CSNK1G1: variants seen among roughly 807,000 people sequenced by gnomAD.
CSNK1G1 encodes casein kinase I isoform gamma-1.
A neutral mutation model predicts 59.6 loss-of-function variants in CSNK1G1; 22 were observed. The ratio of observed to expected loss-of-function variants is 0.37; its 90% CI spans 0.26 to 0.53. The LOEUF is 0.53. CSNK1G1 is among the 20% of genes least tolerant of loss of function. The probability of loss-of-function intolerance (pLI) is 0.89; values close to 1 mark genes in which losing one functional copy is unlikely to be tolerated. For synonymous variants in CSNK1G1, 179 were observed against 177.1 expected, an observed-to-expected ratio of 1.01 and a Z score of -0.08; for missense variants, 384 against 519.5, an observed-to-expected ratio of 0.74 and a Z score of 2.54.
At chr15:64,178,861 C>A (rs770168310) in intron 11 of CSNK1G1, among the ~76,000 whole-genome samples, 3 of 152,054 alleles carry the variant, frequency 2.0e-5, no homozygotes, top group Non-Finnish European at 4.4e-5. Flanking sequence ...TAGCTCACTG[C>A]AGCCTGAACC....
chr15:64,255,760 G>T lies in CSNK1G1; in HGVS notation c.222+3441C>A, dbSNP rs1256899703. Reference sequence around the variant, plus strand: ...TTTTCTGCATTTTTCTTAAGATATAGAATCCATTAATCAAAGAATTCAGAA... The same window carrying T: ...TTTTCTGCATTTTTCTTAAGATATATAATCCATTAATCAAAGAATTCAGAA... On this transcript the variant is annotated intron_variant, in intron 3 of 11. Transcript: ENST00000303052. Among the ~76,000 whole-genome samples, 3 of 152,034 alleles carry T rather than the reference G, an allele frequency of 2.0e-5. No individual in the cohort carries two copies. In the South Asian group the frequency reaches 6.2e-4, roughly 32 times the overall value.
At chr15:64,319,145 C>G (rs574849838) in intron 1 of CSNK1G1, among the ~76,000 whole-genome samples, 1 of 152,218 alleles carries the variant, frequency 6.6e-6, no homozygotes, top group South Asian at 2.1e-4. Flanking sequence ...TGAGCTACTG[C>G]GCCTGACCTA....
intron 4 of CSNK1G1, among the ~76,000 whole-genome samples, chr15:64,226,418 C>T (rs1231268070): frequency 1.3e-5 from 2 of 151,890 alleles, no homozygotes; most frequent in African/African-American, 4.8e-5. Flanking sequence ...ATTAGCTGGG[C>T]GTGGTGGTGC....
chr15:64,252,372 A>G (rs981221950), intron 3 of CSNK1G1, among the ~76,000 whole-genome samples: 3 of 151,922 alleles, frequency 2.0e-5, no homozygotes, highest in Non-Finnish European at 4.4e-5. Context: ...CACCACTCAC[A>G]GCTAATTTTT....
At chr15:64,355,880 G>A (rs897601968) in intron 1 of CSNK1G1, 108 bp downstream of exon 1, 18 of 151,396 alleles carry the variant, frequency 1.2e-4, no homozygotes, top group African/African-American at 4.4e-4. Flanking sequence ...CCGGGATCAC[G>A]GCGTCCCCCA....
intron 4 of CSNK1G1, among the ~76,000 whole-genome samples, chr15:64,224,291 T>A (rs1449689368): frequency 6.6e-6 from 1 of 152,216 alleles, no homozygotes; most frequent in Non-Finnish European, 1.5e-5. Context: ...GTAATGTTTC[T>A]GAGGGATCAG....
intron 10 of CSNK1G1, among the ~76,000 whole-genome samples, chr15:64,197,171 G>A (rs562424476): frequency 1.2e-4 from 19 of 152,356 alleles, no homozygotes; most frequent in African/African-American, 4.3e-4. Flanking sequence ...TATGGCCAAA[G>A]TTTTGGGATA....
intron 9 of CSNK1G1, 40 bp from the exon 10 acceptor site, chr15:64,203,229 T>C: frequency 8.0e-7 from 1 of 1,242,716 alleles, no homozygotes; most frequent in Non-Finnish European, 1.2e-6. Flanking sequence ...GGGAAACAGG[T>C]CCAACTTGAT....
chr15:64,184,348 A>C (rs374806081), intron 10 of CSNK1G1, among the ~76,000 whole-genome samples: 1 of 151,942 alleles, frequency 6.6e-6, no homozygotes, highest in East Asian at 1.9e-4. Context: ...TAATGTCATT[A>C]TAAAAGATAA....
rs60508279 is a variant in CSNK1G1, at chr15:64,188,772, G to C, written c.1108-8318C>G. ...GGGGAAAAAACACACAGTCAAAGCT[G>C]GGATCATCTTTTAGTTTCCATAGAG... is the stretch of plus-strand genomic sequence containing the variant. On this transcript the variant is annotated intron_variant, in intron 10 of 11. Coordinates refer to ENST00000303052, the MANE Select transcript of CSNK1G1 (RefSeq NM_022048.5). The surrounding 1 kb of genome is among the most constrained non-coding windows in gnomAD (Gnocchi z 4.2). Among the ~76,000 whole-genome samples, 8,629 of 152,198 alleles carry C rather than the reference G, an allele frequency of 0.057. 750 individuals are homozygous for C. Among genetic ancestry groups the C allele is most frequent in the African/African-American group, 0.19 (7,829 of 41,500 alleles).
At chr15:64,219,651 G>T (rs1366814731) in intron 4 of CSNK1G1, among the ~76,000 whole-genome samples, 1 of 151,848 alleles carries the variant, frequency 6.6e-6, no homozygotes, top group Admixed American at 6.6e-5. Context: ...CCAGAGATGA[G>T]CTCCCACTAT....
chr15:64,212,110 C>G, intron 6 of CSNK1G1, among the ~76,000 whole-genome samples: 1 of 152,230 alleles, frequency 6.6e-6, no homozygotes, highest in East Asian at 1.9e-4. Context: ...TCAAAATATC[C>G]CTGTGAAGCA....
intron 1 of CSNK1G1, among the ~76,000 whole-genome samples, chr15:64,351,017 G>A (rs1022580404): frequency 2.6e-5 from 4 of 151,510 alleles, no homozygotes; most frequent in Admixed American, 1.3e-4. Context: ...AAATTCAAAA[G>A]TTATTTCCGG....
intron 1 of CSNK1G1, among the ~76,000 whole-genome samples, chr15:64,334,278 A>G (rs577960467): frequency 2.0e-5 from 3 of 152,144 alleles, no homozygotes; most frequent in Non-Finnish European, 4.4e-5. Context: ...TCAGCCTGCC[A>G]AAGTGCTGGG....
At chr15:64,346,184 C>G (rs543581386) in intron 1 of CSNK1G1, among the ~76,000 whole-genome samples, 1 of 151,568 alleles carries the variant, frequency 6.6e-6, no homozygotes, top group Non-Finnish European at 1.5e-5. Context: ...GAATTCAAGA[C>G]CAGACTGGGC....
intron 2 of CSNK1G1, among the ~76,000 whole-genome samples, chr15:64,285,137 T>C (rs1042904728): frequency 6.6e-6 from 1 of 152,118 alleles, no homozygotes; most frequent in Non-Finnish European, 1.5e-5. Context: ...TTTATTATTA[T>C]AATAAAATCT....
intron 10 of CSNK1G1, among the ~76,000 whole-genome samples, chr15:64,199,273 GAAAA>G (rs2082078332): frequency 8.8e-6 from 1 of 114,242 alleles, no homozygotes; most frequent in Non-Finnish European, 1.9e-5. Flanking sequence ...AAAAAAAAAA[GAAAA>G]AGAAAAGAAA....
intron 10 of CSNK1G1, among the ~76,000 whole-genome samples, chr15:64,187,239 G>C (rs1020945945): frequency 1.3e-5 from 2 of 150,908 alleles, no homozygotes; most frequent in Admixed American, 6.6e-5. Flanking sequence ...ACCCAGGCTA[G>C]AGTATGCAGT....
At position 64,350,220 on chromosome 15, in the gene CSNK1G1, G is replaced by A. The variant is rs182344332; in HGVS notation, c.-225+5768C>T. ...ATAAAAATGGTTTTATCGGCTGGTC[G>A]CGGTGGCTCACACCTGTAATCCCAG... is the stretch of plus-strand genomic sequence containing the variant. On this transcript the variant is annotated intron_variant, in intron 1 of 11. Transcript: ENST00000303052. 7.3e-4 allele frequency among the ~76,000 whole-genome samples: 111 copies of A among 152,088 alleles called. 4 individuals are homozygous for A. The highest frequency in any genetic ancestry group is 2.4e-3 in the African/African-American group (99 of 41,490).
Sources: allele counts gnomAD v4.1 joint callset (sites outside exome capture counted in the v4.1 genomes callset), GRCh38; gene constraint gnomAD v4.1.1; non-coding constraint Gnocchi (gnomAD v3.1); transcripts MANE v1.5; gene names NCBI Gene and HGNC (gene_info 2026-07-23, HGNC 2026-07-21).